Variants in STOX2 observed in about 807,000 individuals in gnomAD.
The protein encoded by STOX2 is storkhead-box protein 2.
STOX2 carries 28 observed loss-of-function variants against 60.9 expected under a neutral mutation model. That is an observed-to-expected ratio of 0.46 (90% CI 0.34 to 0.63). The LOEUF (loss-of-function observed/expected upper bound fraction) is 0.63, where lower values mean the gene tolerates loss of function less well. Ranked by LOEUF, STOX2 falls within the 30% of genes least tolerant of loss-of-function variation. The pLI, the probability that STOX2 is intolerant of heterozygous loss-of-function variation, is 0.01. For synonymous variants in STOX2, 472 were observed against 463.9 expected (o/e 1.02, Z -0.22); for missense variants, 1,024 against 1,187.7 (o/e 0.86, Z 2.03).
intron 1 of STOX2, among the ~76,000 whole-genome samples, chr4:183,813,544 T>C (rs573018775): frequency 6.6e-6 from 1 of 152,284 alleles, no homozygotes; most frequent in South Asian, 2.1e-4. Flanking sequence ...CATCCGTGGA[T>C]TTTCGTATTC....
intron 1 of STOX2, among the ~76,000 whole-genome samples, chr4:183,970,650 C>G (rs574679133): frequency 7.9e-5 from 12 of 152,330 alleles, no homozygotes; most frequent in African/African-American, 2.6e-4. Context: ...CCATGGAGCA[C>G]TTTGGGCTGA....
intron 1 of STOX2, among the ~76,000 whole-genome samples, chr4:183,828,322 T>A (rs1184715128): frequency 7.2e-5 from 11 of 152,098 alleles, no homozygotes; most frequent in Non-Finnish European, 1.5e-5. Flanking sequence ...CGGTAGAGTC[T>A]TGACAGGGCT....
At chr4:183,919,500 T>C (rs1742035348) in intron 1 of STOX2, among the ~76,000 whole-genome samples, 1 of 152,172 alleles carries the variant, frequency 6.6e-6, no homozygotes, top group Admixed American at 6.5e-5. Context: ...TCTGAGAGCA[T>C]GCTTCCTACG....
intron 1 of STOX2, among the ~76,000 whole-genome samples, chr4:184,000,938 A>G (rs962176810): frequency 6.6e-6 from 1 of 152,250 alleles, no homozygotes; most frequent in Admixed American, 6.5e-5. Flanking sequence ...CAATGTGTGA[A>G]TGAATGAATC....
intron 1 of STOX2, among the ~76,000 whole-genome samples, chr4:183,945,621 C>T (rs1294192953): frequency 6.6e-6 from 1 of 152,100 alleles, no homozygotes; most frequent in Non-Finnish European, 1.5e-5. Flanking sequence ...AGAAAAAGTT[C>T]TGTGAAAACA....
chr4:183,844,238 C>T (rs1213967938), intron 1 of STOX2, among the ~76,000 whole-genome samples: 2 of 152,080 alleles, frequency 1.3e-5, no homozygotes, highest in Non-Finnish European at 2.9e-5. Flanking sequence ...TTCCCATGTT[C>T]CGGTTGAATA....
chr4:183,814,914 C>CT, intron 1 of STOX2, among the ~76,000 whole-genome samples: 1 of 152,062 alleles, frequency 6.6e-6, no homozygotes. Flanking sequence ...AATGATGTTA[C>CT]TTTGAGTATA....
chr4:183,907,612 G>A (rs911151451), intron 1 of STOX2, among the ~76,000 whole-genome samples: 2 of 152,196 alleles, frequency 1.3e-5, no homozygotes, highest in African/African-American at 4.8e-5. Flanking sequence ...AGACAGGAGG[G>A]ACAAACAAAA....
intron 1 of STOX2, among the ~76,000 whole-genome samples, chr4:183,963,278 T>G (rs1319025255): frequency 6.6e-6 from 1 of 152,204 alleles, no homozygotes; most frequent in East Asian, 1.9e-4. Flanking sequence ...CTTATGGGTT[T>G]TATTATGACG....
At chr4:184,017,063 A>T in intron 3 of STOX2, 26 bp from the exon 4 acceptor site, 2 of 1,563,330 alleles carry the variant, frequency 1.3e-6, no homozygotes. Flanking sequence ...CAAACAAAAC[A>T]AAACAAACCC....
At chr4:183,860,872 G>A (rs1375137177) in intron 1 of STOX2, among the ~76,000 whole-genome samples, 3 of 152,186 alleles carry the variant, frequency 2.0e-5, no homozygotes, top group Non-Finnish European at 4.4e-5. Flanking sequence ...AGTTTCCGTA[G>A]GTGGAAGACA....
chr4:183,910,647 T>C (rs964997972), intron 1 of STOX2, among the ~76,000 whole-genome samples: 9 of 152,228 alleles, frequency 5.9e-5, no homozygotes, highest in Admixed American at 3.3e-4. Context: ...CCTTAAAAGC[T>C]TTGTTTCTGC....
Position 184,010,109 on chromosome 4 carries a change from A to C in STOX2, c.1271A>C (p.His424Pro). Residue 424 changes from histidine (H) to proline (P), a missense_variant, in exon 3 of 4, where the codon CAC (histidine) becomes CCC (proline). Physicochemically the swap from His to Pro is moderately conservative, Grantham distance 77 (BLOSUM62 -2). Transcript: ENST00000308497. This position sits in a 1 kb window ranked among gnomAD's most constrained non-coding sequence, Gnocchi z 4.5. ...CACAAAGGAGATAACTTCATCATGC[A>C]CAGCAACACAAACGTGCTCGAGTCC... ...IEHKGDNFIM[H>P]SNTNVLESHF... 2 of 1,595,856 alleles carry C rather than the reference A, an allele frequency of 1.3e-6. No individual in the cohort carries two copies. Among genetic ancestry groups the C allele is most frequent in the Non-Finnish European group, 1.7e-6 (2 of 1,170,630 alleles).
chr4:183,886,718 C>T lies in STOX2; in HGVS notation c.364+88663C>T, dbSNP rs533727051. On this transcript the variant is annotated intron_variant, in intron 1 of 2. Coordinates refer to the STOX2 transcript ENST00000513034. ...AGGTCTTTTTCTTCTAAGCATCTTT[C>T]TCTGCAATACCACTTTTCTTTTTGA... 5.9e-5 allele frequency among the ~76,000 whole-genome samples: 9 copies of T among 152,194 alleles called. No homozygotes were observed. The East Asian group carries it at 1.5e-3, about 26-fold the overall frequency.
chr4:183,845,050 C>T (rs1413501879), intron 1 of STOX2, among the ~76,000 whole-genome samples: 1 of 152,184 alleles, frequency 6.6e-6, no homozygotes. Flanking sequence ...TCCTTAGATT[C>T]CCAATCAGGT....
At chr4:183,972,349 C>A (rs966457116) in intron 1 of STOX2, among the ~76,000 whole-genome samples, 3 of 152,028 alleles carry the variant, frequency 2.0e-5, no homozygotes, top group Non-Finnish European at 4.4e-5. Flanking sequence ...GCAGAAGGAC[C>A]ATGAAAAAGG....
intron 1 of STOX2, among the ~76,000 whole-genome samples, chr4:183,887,163 C>A (rs1418789527): frequency 6.6e-6 from 1 of 152,064 alleles, no homozygotes; most frequent in African/African-American, 2.4e-5. Flanking sequence ...ACTCGGGAGG[C>A]TGAGGCAGGA....
At chr4:183,832,732 C>G (rs574700373) in intron 1 of STOX2, among the ~76,000 whole-genome samples, 2 of 152,150 alleles carry the variant, frequency 1.3e-5, no homozygotes, top group South Asian at 4.1e-4. Flanking sequence ...TCAAGTGATC[C>G]GCCTGCCTTG....
At position 183,995,291 on chromosome 4, in the gene STOX2, CTTTTTTTTTTTT is replaced by C. The variant is rs61681165; in HGVS notation, c.167-6013_167-6002del. Among the ~76,000 whole-genome samples the C allele has an allele frequency of 3.8e-3, 305 of 79,456 alleles. 1 individual carries two copies. The highest frequency in any genetic ancestry group is 0.014 in the African/African-American group (232 of 16,136). 52.1% of individuals were successfully genotyped at this position (79,456 alleles called of 152,430 possible). ...ATAAAGGACAGGGCTTTATTTTAGT[CTTTTTTTTTTTT>C]TTTTTTTTTTTTTTTTTTTTGCACA... is the stretch of plus-strand genomic sequence containing the variant. On this transcript the variant is annotated intron_variant, in intron 1 of 3. Transcript: ENST00000308497.
Sources: gnomAD v4.1 joint callset for allele counts (sites outside exome capture counted in the v4.1 genomes callset) on GRCh38, gnomAD v4.1.1 for gene constraint, Gnocchi (gnomAD v3.1) non-coding constraint, MANE v1.5 for transcripts, NCBI Gene and HGNC (gene_info 2026-07-23, HGNC 2026-07-21) for gene names.